NRXN1: variants seen among roughly 807,000 people sequenced by gnomAD.
NRXN1 encodes neurexin-1.
Under a neutral mutation model 150.9 loss-of-function variants are expected in NRXN1, and 39 were observed. The observed-to-expected ratio is 0.26, with a 90% CI of 0.20 to 0.34. NRXN1 has a LOEUF of 0.34. NRXN1 is among the 10% of genes least tolerant of loss of function. The pLI is 1.00. For synonymous variants in NRXN1, 924 were observed against 757.0 expected (o/e 1.22, Z -3.62); for missense variants, 1,815 against 1,949.9 (o/e 0.93, Z 1.30).
intron 21 of NRXN1, among the ~76,000 whole-genome samples, chr2:50,010,744 A>C (rs757011890): frequency 6.6e-6 from 1 of 152,126 alleles, no homozygotes; most frequent in Non-Finnish European, 1.5e-5. Context: ...TAACAAAAGA[A>C]ATTCTCAATA....
intron 5 of NRXN1, among the ~76,000 whole-genome samples, chr2:50,867,652 A>G (rs1677134651): frequency 6.6e-6 from 1 of 151,748 alleles, no homozygotes; most frequent in East Asian, 1.9e-4. Context: ...TGCAATGTAA[A>G]GCTAATATGT....
chr2:49,980,853 G>A (rs929040434), intron 21 of NRXN1, among the ~76,000 whole-genome samples: 2 of 152,046 alleles, frequency 1.3e-5, no homozygotes, highest in African/African-American at 4.8e-5. Context: ...GAGAGGTAAA[G>A]TTTCCTTTAT....
At chr2:50,201,299 G>A (rs2062145490) in intron 18 of NRXN1, among the ~76,000 whole-genome samples, 1 of 152,110 alleles carries the variant, frequency 6.6e-6, no homozygotes, top group East Asian at 1.9e-4. Context: ...GTTCTAAAAA[G>A]ACTTGACACT....
At chr2:50,342,176 T>C (rs1355077013) in intron 17 of NRXN1, among the ~76,000 whole-genome samples, 1 of 152,210 alleles carries the variant, frequency 6.6e-6, no homozygotes, top group East Asian at 1.9e-4. Context: ...AATGCATGAA[T>C]GAACAATCTA....
intron 5 of NRXN1, among the ~76,000 whole-genome samples, chr2:50,645,368 T>A (rs960346346): frequency 6.6e-6 from 1 of 152,010 alleles, no homozygotes; most frequent in African/African-American, 2.4e-5. Flanking sequence ...TACAAGAATG[T>A]ATATAAATAA....
intron 18 of NRXN1, among the ~76,000 whole-genome samples, chr2:50,173,928 C>T (rs1246488845): frequency 2.0e-5 from 3 of 152,104 alleles, no homozygotes; most frequent in Non-Finnish European, 4.4e-5. Context: ...GGGCTCTAAA[C>T]TCTGACCATC....
At chr2:50,179,658 A>T (rs1262295676) in intron 18 of NRXN1, among the ~76,000 whole-genome samples, 2 of 152,160 alleles carry the variant, frequency 1.3e-5, no homozygotes, top group Non-Finnish European at 2.9e-5. Context: ...CCAATCTATG[A>T]CCCCAATAAT....
At chr2:50,762,463 G>A (rs1701907508) in intron 5 of NRXN1, among the ~76,000 whole-genome samples, 1 of 151,820 alleles carries the variant, frequency 6.6e-6, no homozygotes, top group Non-Finnish European at 1.5e-5. Context: ...GTGCCCAGTA[G>A]ATAATTTTTT....
intron 5 of NRXN1, among the ~76,000 whole-genome samples, chr2:50,745,545 T>A (rs1699922026): frequency 6.6e-6 from 1 of 151,956 alleles, no homozygotes; most frequent in African/African-American, 2.4e-5. Context: ...AGACATAGTG[T>A]GGTATATTAG....
intron 5 of NRXN1, among the ~76,000 whole-genome samples, chr2:50,808,417 C>G (rs1012359687): frequency 6.6e-6 from 1 of 151,494 alleles, no homozygotes; most frequent in African/African-American, 2.4e-5. Context: ...GTAAATTAAC[C>G]AACTACCATT....
intron 2 of NRXN1, among the ~76,000 whole-genome samples, chr2:50,933,072 A>G (rs1688004381): frequency 6.6e-6 from 1 of 152,132 alleles, no homozygotes; most frequent in African/African-American, 2.4e-5. Context: ...ACACGCATTT[A>G]GAAAATATTT....
At chr2:50,287,495 T>C (rs1458525654) in intron 17 of NRXN1, among the ~76,000 whole-genome samples, 1 of 152,130 alleles carries the variant, frequency 6.6e-6, no homozygotes, top group Non-Finnish European at 1.5e-5. Context: ...TTCTTTACAC[T>C]GCCCAGAGAT....
At chr2:50,337,628 A>G (rs1193759697) in intron 17 of NRXN1, among the ~76,000 whole-genome samples, 1 of 152,210 alleles carries the variant, frequency 6.6e-6, no homozygotes, top group Non-Finnish European at 1.5e-5. Context: ...ACTAAATGAT[A>G]TAATTGGCCA....
At chr2:49,957,952 C>G (rs543467037) in intron 21 of NRXN1, among the ~76,000 whole-genome samples, 19 of 152,144 alleles carry the variant, frequency 1.2e-4, no homozygotes, top group Non-Finnish European at 2.5e-4. Context: ...TCCCAAGTTT[C>G]TTATACATAA....
intron 5 of NRXN1, among the ~76,000 whole-genome samples, chr2:50,826,567 C>T (rs1007315356): frequency 1.3e-5 from 2 of 152,032 alleles, no homozygotes; most frequent in African/African-American, 4.8e-5. Flanking sequence ...GGAAGTGACC[C>T]TAAGTAATCC....
chr2:49,933,156 A>G (rs2104228420), intron 22 of NRXN1, among the ~76,000 whole-genome samples: 1 of 152,086 alleles, frequency 6.6e-6, no homozygotes, highest in South Asian at 2.1e-4. Flanking sequence ...GCGCGGTCTC[A>G]GCTCACTGCA....
chr2:50,921,828 T>C (rs760015829), intron 5 of NRXN1, 41 bp downstream of exon 5: 1 of 1,039,682 alleles, frequency 9.6e-7, no homozygotes, highest in Non-Finnish European at 1.3e-6. Flanking sequence ...ACACTGTAAT[T>C]CATACAGATG....
intron 5 of NRXN1, among the ~76,000 whole-genome samples, chr2:50,703,551 T>C: frequency 6.6e-6 from 1 of 152,130 alleles, no homozygotes; most frequent in Non-Finnish European, 1.5e-5. Context: ...TTAAAGTATG[T>C]TTTGGTGATC....
At chr2:50,301,619 G>A (rs548983019) in intron 17 of NRXN1, among the ~76,000 whole-genome samples, 326 of 152,198 alleles carry the variant, frequency 2.1e-3, no homozygotes, top group African/African-American at 7.4e-3. Flanking sequence ...GTCCTGTAGG[G>A]TACTCTGTAC....
Sources: allele counts gnomAD v4.1 joint callset (sites outside exome capture counted in the v4.1 genomes callset), GRCh38; gene constraint gnomAD v4.1.1; transcripts MANE v1.5; gene names NCBI Gene and HGNC (gene_info 2026-07-23, HGNC 2026-07-21).